Variants in CLMP observed in about 807,000 individuals in gnomAD.
CLMP encodes CXADR-like membrane protein.
CLMP carries 27 observed loss-of-function variants against 45.2 expected under a neutral mutation model. That is an observed-to-expected ratio of 0.60 (90% CI 0.44 to 0.82). The LOEUF (loss-of-function observed/expected upper bound fraction) is 0.82, where lower values mean the gene tolerates loss of function less well. Among genes scored for constraint, CLMP ranks in the 40% least tolerant of loss-of-function variants. CLMP has a pLI of 0.00. For missense variants in CLMP, 403 were observed against 448.4 expected (o/e 0.90, Z 0.91); for synonymous variants, 167 against 171.4 (o/e 0.97, Z 0.20).
At chr11:123,104,020 G>T (rs1034850852) in intron 1 of CLMP, among the ~76,000 whole-genome samples, 1 of 150,914 alleles carries the variant, frequency 6.6e-6, no homozygotes, top group Non-Finnish European at 1.5e-5. Flanking sequence ...AGTAGAGACG[G>T]GATTTCACTG....
intron 1 of CLMP, among the ~76,000 whole-genome samples, chr11:123,163,585 G>A (rs1861515317): frequency 6.6e-6 from 1 of 152,170 alleles, no homozygotes; most frequent in Non-Finnish European, 1.5e-5. Flanking sequence ...AGAACCTAGA[G>A]CCCCACCCAG....
chr11:123,193,322 C>T (rs1299905697), intron 1 of CLMP, among the ~76,000 whole-genome samples: 1 of 152,218 alleles, frequency 6.6e-6, no homozygotes, highest in African/African-American at 2.4e-5. Flanking sequence ...GAAGAACAAA[C>T]GAATTACCAA....
At chr11:123,179,952 T>C (rs1861747720) in intron 1 of CLMP, among the ~76,000 whole-genome samples, 1 of 152,164 alleles carries the variant, frequency 6.6e-6, no homozygotes, top group Non-Finnish European at 1.5e-5. Flanking sequence ...AAATTCAGAG[T>C]CCTAGGCCTC....
chr11:123,080,049 C>T (rs1269341392), intron 5 of CLMP, among the ~76,000 whole-genome samples: 1 of 152,232 alleles, frequency 6.6e-6, no homozygotes, highest in African/African-American at 2.4e-5. Flanking sequence ...GGCTCATTCA[C>T]ATGGCTGTTG....
chr11:123,162,149 G>A (rs1038044944), intron 1 of CLMP, among the ~76,000 whole-genome samples: 1 of 152,190 alleles, frequency 6.6e-6, no homozygotes, highest in African/African-American at 2.4e-5. Flanking sequence ...GTTCCTGGAG[G>A]ACACAGAGCT....
At chr11:123,150,283 A>G (rs899441175) in intron 1 of CLMP, among the ~76,000 whole-genome samples, 2 of 151,308 alleles carry the variant, frequency 1.3e-5, no homozygotes, top group Non-Finnish European at 2.9e-5. Context: ...CTTGAGAACA[A>G]TAGACTAAGA....
rs372679301 is a variant in CLMP, at chr11:123,187,453, T to C, written c.28+7460A>G. Among the ~76,000 whole-genome samples, 21 of 152,320 alleles carry C rather than the reference T, an allele frequency of 1.4e-4. No homozygotes were observed. The East Asian group carries it at 3.7e-3, about 27-fold the overall frequency. ...TAAACAATGAAGTCACAAAGCAATT[T>C]CTCTCTCAGGGATTTCATTTTTCCC... On this transcript the variant is annotated intron_variant, in intron 1 of 6. Transcript: ENST00000448775.
chr11:123,080,358 C>T (rs1173700988), intron 5 of CLMP, among the ~76,000 whole-genome samples: 26 of 134,386 alleles, frequency 1.9e-4, no homozygotes, highest in African/African-American at 6.0e-4. Context: ...GATGGAGTTT[C>T]GCTCTTGTTG....
At chr11:123,113,810 C>T (rs1860678447) in intron 1 of CLMP, among the ~76,000 whole-genome samples, 1 of 152,212 alleles carries the variant, frequency 6.6e-6, no homozygotes, top group African/African-American at 2.4e-5. Flanking sequence ...ACAAAGATCA[C>T]TCCACCATTC....
At chr11:123,144,425 G>A (rs763138335) in intron 1 of CLMP, among the ~76,000 whole-genome samples, 6 of 152,212 alleles carry the variant, frequency 3.9e-5, no homozygotes, top group Non-Finnish European at 8.8e-5. Flanking sequence ...AGGCTAGAGT[G>A]CAATGGTGCA....
chr11:123,183,663 A>C (rs912209654), intron 1 of CLMP, among the ~76,000 whole-genome samples: 1 of 152,182 alleles, frequency 6.6e-6, no homozygotes, highest in African/African-American at 2.4e-5. Context: ...GGACATGGGC[A>C]AACAGGATGC....
chr11:123,160,602 A>G (rs541127021), intron 1 of CLMP, among the ~76,000 whole-genome samples: 4 of 152,310 alleles, frequency 2.6e-5, no homozygotes, highest in South Asian at 4.1e-4. Context: ...TCTAAGATGT[A>G]TAATAGCTTA....
chr11:123,127,310 C>T (rs11218999), intron 1 of CLMP, among the ~76,000 whole-genome samples: 24,140 of 151,910 alleles, frequency 0.16, 2,640 homozygotes, highest in African/African-American at 0.31. Flanking sequence ...TTAGTAGAGA[C>T]GGGGTTTCAC....
At position 123,075,397 on chromosome 11, in the gene CLMP, T is replaced by C. The variant is rs148060859; in HGVS notation, c.680-554A>G. 9.9e-4 allele frequency among the ~76,000 whole-genome samples: 151 copies of C among 152,192 alleles called. 1 individual carries two copies. Among genetic ancestry groups the C allele is most frequent in the African/African-American group, 3.5e-3 (144 of 41,532 alleles). On this transcript the variant is annotated intron_variant, in intron 5 of 6. Coordinates refer to ENST00000448775, the MANE Select transcript of CLMP (RefSeq NM_024769.5). Reference sequence around the variant, plus strand: ...GCCAGGGTTTTTGTTTGTTTGTTTGTTTGTTTTGAGAGGGAGTCTCGCTGT... The same window carrying C: ...GCCAGGGTTTTTGTTTGTTTGTTTGCTTGTTTTGAGAGGGAGTCTCGCTGT...
At chr11:123,085,596 A>G (rs777353887) in intron 2 of CLMP, among the ~76,000 whole-genome samples, 3 of 24,236 alleles carry the variant, frequency 1.2e-4, no homozygotes, top group Non-Finnish European at 2.5e-4. Flanking sequence ...CTACAAAGAT[A>G]AAAAAAAAAA....
In CLMP at chr11:123,070,233, T is replaced by C. The variant is rs1865657092; in HGVS notation, c.*3241A>G. ...ATTCGGTTATTTCTCCTTTTTTTGT[T>C]TCCTATTTCAGAATCAAATTTATTT... On this transcript the variant is annotated 3_prime_UTR_variant, in exon 7 of 7. Transcript: ENST00000448775. 6.6e-6 allele frequency: 1 copy of C among 152,230 alleles called. No individual in the cohort carries two copies. Among genetic ancestry groups the C allele is most frequent in the South Asian group, 2.1e-4 (1 of 4,834 alleles). The allele number at this position is 152,230 out of a possible 1,614,324, so 9.4% of individuals were successfully genotyped here.
At chr11:123,164,619 T>A (rs959130839) in intron 1 of CLMP, among the ~76,000 whole-genome samples, 2 of 151,888 alleles carry the variant, frequency 1.3e-5, no homozygotes, top group African/African-American at 4.8e-5. Context: ...TTTTTTTTTT[T>A]AAATGAATGA....
At chr11:123,167,847 A>G (rs1229538888) in intron 1 of CLMP, among the ~76,000 whole-genome samples, 1 of 152,180 alleles carries the variant, frequency 6.6e-6, no homozygotes, top group East Asian at 1.9e-4. Flanking sequence ...AGTTGGGAAC[A>G]TGCCTCCTTC....
At chr11:123,134,453 C>T (rs1183443711) in intron 1 of CLMP, among the ~76,000 whole-genome samples, 2 of 151,146 alleles carry the variant, frequency 1.3e-5, no homozygotes, top group Non-Finnish European at 3.0e-5. Flanking sequence ...AAAATTTGTC[C>T]CTGGTACTTA....
Sources: allele counts gnomAD v4.1 joint callset (sites outside exome capture counted in the v4.1 genomes callset), GRCh38; gene constraint gnomAD v4.1.1; transcripts MANE v1.5; gene names NCBI Gene and HGNC (gene_info 2026-07-23, HGNC 2026-07-21).